Variants in TRPC7 observed in about 807,000 individuals in gnomAD.
The protein encoded by TRPC7 is transient receptor potential cation channel subfamily C member 7.
A neutral mutation model predicts 90.1 loss-of-function variants in TRPC7; 42 were observed. That is an observed-to-expected ratio of 0.47 (90% confidence interval 0.36 to 0.60). The LOEUF (loss-of-function observed/expected upper bound fraction) is 0.60. Ranked by LOEUF, TRPC7 falls within the 20% of genes least tolerant of loss-of-function variation. The pLI, the probability that TRPC7 is intolerant of heterozygous loss-of-function variation, is 0.00. For synonymous variants in TRPC7, 451 were observed against 436.3 expected (o/e 1.03, Z -0.42); for missense variants, 955 against 1,112.3 (o/e 0.86, Z 2.01).
At chr5:136,287,477 C>G (rs578012774) in intron 3 of TRPC7, among the ~76,000 whole-genome samples, 2 of 151,688 alleles carry the variant, frequency 1.3e-5, no homozygotes. Context: ...GGTAGATGGA[C>G]CCCCAAATGC....
chr5:136,327,031 C>T lies in TRPC7; in HGVS notation c.781-11252G>A, dbSNP rs751153611. The stretch of plus-strand genomic sequence containing the variant: ...CAATGCTTAGATAATGGAGGGTTTG[C>T]ATTTATTGGTCATGGCAAGTGTTGG... On this transcript the variant is annotated intron_variant, in intron 2 of 11. Coordinates refer to ENST00000513104, the MANE Select transcript of TRPC7 (RefSeq NM_020389.3). Among the ~76,000 whole-genome samples the T allele has an allele frequency of 3.3e-5, 5 of 152,166 alleles. No homozygotes were observed. The South Asian group carries it at 1.0e-3, about 32-fold the overall frequency.
At chr5:136,310,341 A>T (rs1758786503) in intron 3 of TRPC7, among the ~76,000 whole-genome samples, 1 of 152,118 alleles carries the variant, frequency 6.6e-6, no homozygotes, top group Non-Finnish European at 1.5e-5. Context: ...AATTTTTTTT[A>T]AAAATACAAC....
rs185819522 is a variant in TRPC7 at position 136,214,914 on chromosome 5, T to C, written c.2419+1286A>G. 1.4e-3 allele frequency among the ~76,000 whole-genome samples: 219 copies of C among 152,282 alleles called. 1 individual carries two copies. Among genetic ancestry groups the C allele is most frequent in the African/African-American group, 4.8e-3 (198 of 41,562 alleles). ...ATTACCTGGCATAAAGTAATTTGCT[T>C]TTCATCTAAGAGTAACTGCTTAAAA... On this transcript the variant is annotated intron_variant, in intron 11 of 11. Transcript: ENST00000513104.
At position 136,304,345 on chromosome 5, in the gene TRPC7, C is replaced by T. The variant is rs180769156; in HGVS notation, c.963+11252G>A. On this transcript the variant is annotated intron_variant, in intron 3 of 11. Transcript: ENST00000513104. ...TTAAAAGGATTAAAGCCTGTTATCA[C>T]TCGCCTGCTACAGCATGACCTTCTA... 6.7e-4 allele frequency among the ~76,000 whole-genome samples: 102 copies of T among 152,302 alleles called. 2 individuals are homozygous for T. In the East Asian group the frequency reaches 0.015, roughly 23 times the overall value.
At chr5:136,358,956 T>C (rs1760475252) in intron 1 of TRPC7, among the ~76,000 whole-genome samples, 1 of 152,208 alleles carries the variant, frequency 6.6e-6, no homozygotes, top group Admixed American at 6.5e-5. Flanking sequence ...TCCCAGAGAA[T>C]TGTCTTTTTT....
chr5:136,279,350 C>T (rs944080342), intron 3 of TRPC7, among the ~76,000 whole-genome samples: 18 of 152,204 alleles, frequency 1.2e-4, no homozygotes, highest in African/African-American at 4.3e-4. Flanking sequence ...ATGTCTCAGT[C>T]TCAGGGTGCA....
chr5:136,227,487 CTGCTGGGATATA>C (rs1420264678), intron 8 of TRPC7, among the ~76,000 whole-genome samples: 1 of 152,146 alleles, frequency 6.6e-6, no homozygotes, highest in African/African-American at 2.4e-5. Context: ...CCAGGAGAGG[CTGCTGGGATATA>C]CCACAAGAGT....
At chr5:136,335,210 C>T (rs900772467) in intron 2 of TRPC7, among the ~76,000 whole-genome samples, 1 of 152,138 alleles carries the variant, frequency 6.6e-6, no homozygotes, top group African/African-American at 2.4e-5. Flanking sequence ...TACCTCCAAC[C>T]TCAAACTGTA....
intron 10 of TRPC7, among the ~76,000 whole-genome samples, chr5:136,221,384 C>T (rs555488390): frequency 4.2e-4 from 64 of 152,182 alleles, no homozygotes; most frequent in Non-Finnish European, 5.4e-4. Flanking sequence ...GCCCTACATC[C>T]GGAGAGGAAG....
chr5:136,328,227 C>G (rs927903391), intron 2 of TRPC7, among the ~76,000 whole-genome samples: 1 of 152,156 alleles, frequency 6.6e-6, no homozygotes, highest in African/African-American at 2.4e-5. Context: ...CTCCTGGGTC[C>G]TCAGAGTCCA....
intron 3 of TRPC7, among the ~76,000 whole-genome samples, chr5:136,280,422 T>C (rs1757511329): frequency 1.3e-5 from 2 of 152,222 alleles, no homozygotes; most frequent in Admixed American, 1.3e-4. Flanking sequence ...GTTTTCCATG[T>C]AATAGGTGCT....
intron 3 of TRPC7, among the ~76,000 whole-genome samples, chr5:136,302,376 A>G (rs1758430967): frequency 6.6e-6 from 1 of 151,902 alleles, no homozygotes; most frequent in Non-Finnish European, 1.5e-5. Context: ...AGGGGCAAGT[A>G]TCCCTCAACC....
intron 2 of TRPC7, among the ~76,000 whole-genome samples, chr5:136,331,769 G>A (rs762532320): frequency 2.0e-5 from 3 of 152,138 alleles, no homozygotes; most frequent in Non-Finnish European, 4.4e-5. Flanking sequence ...GCTCACCCAA[G>A]GGGGAGATAA....
chr5:136,364,337 A>T (rs1561736098), intron 1 of TRPC7, among the ~76,000 whole-genome samples: 1 of 152,230 alleles, frequency 6.6e-6, no homozygotes, highest in African/African-American at 2.4e-5. Context: ...GTGACATAGA[A>T]GTTTGGTAAG....
At chr5:136,226,007 C>T (rs2149795047) in intron 9 of TRPC7, 27 bp downstream of exon 9, 1 of 1,555,386 alleles carries the variant, frequency 6.4e-7, no homozygotes, top group South Asian at 1.2e-5. Context: ...CTGCCTTCTC[C>T]AGCCTCATAA....
At chr5:136,265,631 A>G (rs1475949032) in intron 5 of TRPC7, among the ~76,000 whole-genome samples, 2 of 152,192 alleles carry the variant, frequency 1.3e-5, no homozygotes, top group Admixed American at 6.5e-5. Flanking sequence ...TAGTTAATCA[A>G]TGAGGAAATT....
intron 2 of TRPC7, among the ~76,000 whole-genome samples, chr5:136,328,707 C>A (rs1455488259): frequency 6.6e-6 from 1 of 152,250 alleles, no homozygotes; most frequent in Admixed American, 6.5e-5. Flanking sequence ...GTGCTTCACA[C>A]AATATGTGGC....
chr5:136,251,667 C>T lies in TRPC7; in HGVS notation c.1561G>A (p.Val521Met). 3 of 1,608,570 alleles carry T rather than the reference C, an allele frequency of 1.9e-6. No homozygotes were observed. The highest frequency in any genetic ancestry group is 2.6e-6 in the Non-Finnish European group (3 of 1,175,886). Residue 521 changes from valine to methionine, a missense_variant, in exon 6 of 12, where the codon GTG becomes ATG. By Grantham distance (21) the Val-to-Met change is conservative. This residue lies in a region of TRPC7 where 484 missense variants were observed against 509.6 expected (regional missense o/e 0.95). Transcript: ENST00000513104. ...TLHNVSLPPE[V>M]AYFTYARDKW... ...GACTCACCGTAGGTGAAGTATGCCA[C>T]TTCCGGCGGAAGCGAGACATTGTGC...
rs778176976 is a variant in TRPC7 at position 136,356,826 on chromosome 5, C to T, written c.562G>A (p.Ala188Thr). ...TAGTCGTGGGGCCGCTCGATGCGGG[C>T]GCCCTTGAGCAGCAGGATGTGCACG... ...EIVHILLLKG[A>T]RIERPHDYFC... The change falls in exon 2 of 12, where the codon GCC (alanine) becomes ACC (threonine). Residue 188 changes from alanine (A) to threonine (T), a missense_variant. By Grantham distance (58) the Ala-to-Thr change is moderately conservative (BLOSUM62 0). This residue lies in a region of TRPC7 where 484 missense variants were observed against 509.6 expected (regional missense o/e 0.95). Transcript: ENST00000513104. 2 of 1,613,588 alleles carry T rather than the reference C, an allele frequency of 1.2e-6. No homozygotes were observed. Among genetic ancestry groups the T allele is most frequent in the Admixed American group, 1.7e-5 (1 of 60,012 alleles).
Sources: allele counts gnomAD v4.1 joint callset (sites outside exome capture counted in the v4.1 genomes callset), GRCh38; gene constraint gnomAD v4.1.1; regional missense constraint gnomAD v4.1.1; transcripts MANE v1.5; gene names NCBI Gene and HGNC (gene_info 2026-07-23, HGNC 2026-07-21).